Variants in GRM1 observed in about 807,000 individuals in gnomAD.
GRM1 encodes the protein glutamate metabotropic receptor 1, also known as metabotropic glutamate receptor 1.
Under a neutral mutation model 90.9 loss-of-function variants are expected in GRM1, and 33 were observed. That is an observed-to-expected ratio of 0.36 (90% CI 0.28 to 0.49). GRM1 has a LOEUF of 0.49. Among genes scored for constraint, GRM1 ranks in the 20% least tolerant of loss-of-function variants. The pLI is 0.99. For missense variants in GRM1, 1,190 were observed against 1,534.3 expected, an observed-to-expected ratio of 0.78 and a Z score of 3.75; for synonymous variants, 700 against 613.2, an observed-to-expected ratio of 1.14 and a Z score of -2.09.
intron 3 of GRM1, among the ~76,000 whole-genome samples, chr6:146,325,149 C>T (rs1324278737): frequency 1.3e-5 from 2 of 152,110 alleles, no homozygotes; most frequent in Admixed American, 1.3e-4. Flanking sequence ...GCATTACTGT[C>T]CTGAGTTTCA....
chr6:146,398,957 C>T lies in GRM1; in HGVS notation c.1918C>T (p.Leu640Phe), dbSNP rs1777063202. 1 of 1,614,110 alleles carries T rather than the reference C, an allele frequency of 6.2e-7. No individual in the cohort carries two copies. The highest frequency in any genetic ancestry group is 2.2e-5 in the East Asian group (1 of 44,876). The change falls in exon 7 of 8, where the codon CTT becomes TTT. Residue 640 changes from leucine (L) to phenylalanine (F), a missense_variant. Leu to Phe is a conservative substitution (Grantham distance 22). This residue lies in a region of GRM1 where 414 missense variants were observed against 598.4 expected (regional missense o/e 0.69). Transcript: ENST00000282753. ...CTACATCATCCTAGCTGGCATCTTC[C>T]TTGGTTATGTGTGCCCATTCACTCT... ...LCYIILAGIF[L>F]GYVCPFTLIA...
At chr6:146,105,198 T>G (rs1434598968) in intron 1 of GRM1, among the ~76,000 whole-genome samples, 1 of 152,190 alleles carries the variant, frequency 6.6e-6, no homozygotes, top group Non-Finnish European at 1.5e-5. Flanking sequence ...GTAGAATGTT[T>G]GATGGTAGAA....
chr6:146,155,253 T>C (rs1334435356), intron 1 of GRM1, among the ~76,000 whole-genome samples: 2 of 152,200 alleles, frequency 1.3e-5, no homozygotes, highest in African/African-American at 4.8e-5. Context: ...ACAATCATAA[T>C]AAGATTATAA....
rs114670930 is a variant in GRM1, at chr6:146,049,237, C to T, written c.700+19020C>T. On this transcript the variant is annotated intron_variant, in intron 1 of 7. Coordinates refer to ENST00000282753, the MANE Select transcript of GRM1 (RefSeq NM_001278064.2). The stretch of plus-strand genomic sequence containing the variant: ...GTCAGCTTGACTTGATTAAGGGACA[C>T]CCGGATAGCTGGTAAAGCATCATTT... Among the ~76,000 whole-genome samples, 764 of 151,974 alleles carry T rather than the reference C, an allele frequency of 5.0e-3. 4 individuals are homozygous for T. The highest frequency in any genetic ancestry group is 0.018 in the African/African-American group (743 of 41,482).
intron 5 of GRM1, among the ~76,000 whole-genome samples, chr6:146,369,899 G>T (rs1007810674): frequency 6.8e-6 from 1 of 146,682 alleles, no homozygotes; most frequent in African/African-American, 2.6e-5. Context: ...CTGAATGATT[G>T]GTCCATTGCT....
At chr6:146,337,706 TG>T (rs2115007992) in intron 3 of GRM1, among the ~76,000 whole-genome samples, 1 of 152,304 alleles carries the variant, frequency 6.6e-6, no homozygotes, top group East Asian at 1.9e-4. Flanking sequence ...ACTCAAATTT[TG>T]TGTTTATTTA....
At chr6:146,072,957 G>T (rs1024164360) in intron 1 of GRM1, among the ~76,000 whole-genome samples, 1 of 152,066 alleles carries the variant, frequency 6.6e-6, no homozygotes, top group Non-Finnish European at 1.5e-5. Context: ...CAGGGAAGAT[G>T]TGCACAGGGG....
At chr6:146,030,778 A>G (rs1790678309) in intron 1 of GRM1, among the ~76,000 whole-genome samples, 1 of 152,228 alleles carries the variant, frequency 6.6e-6, no homozygotes, top group African/African-American at 2.4e-5. Context: ...TCAGAAACTT[A>G]TATTTTTACT....
intron 2 of GRM1, among the ~76,000 whole-genome samples, chr6:146,242,412 G>A (rs540356375): frequency 6.6e-5 from 10 of 152,146 alleles, no homozygotes; most frequent in South Asian, 4.2e-4. Context: ...GAGGATTTTC[G>A]AGAACCAGAA....
intron 7 of GRM1, among the ~76,000 whole-genome samples, chr6:146,419,857 C>T (rs1359162615): frequency 6.6e-6 from 1 of 152,190 alleles, no homozygotes; most frequent in Admixed American, 6.5e-5. Context: ...GAGACCCCTT[C>T]TCTGACATGC....
chr6:146,266,006 T>C (rs1781872649), intron 2 of GRM1, among the ~76,000 whole-genome samples: 1 of 152,186 alleles, frequency 6.6e-6, no homozygotes, highest in East Asian at 1.9e-4. Flanking sequence ...TTGGCCAACA[T>C]GGTGAAACCC....
chr6:146,257,381 CT>C (rs763935889), intron 2 of GRM1, among the ~76,000 whole-genome samples: 1 of 151,926 alleles, frequency 6.6e-6, no homozygotes, highest in Non-Finnish European at 1.5e-5. Flanking sequence ...CATTAAGTCA[CT>C]AAGTATTTTA....
At chr6:146,028,216 G>C (rs1453399142), upstream of GRM1, among the ~76,000 whole-genome samples, 13 of 149,606 alleles carry the variant, frequency 8.7e-5, no homozygotes, top group Admixed American at 8.7e-4. Flanking sequence ...GGGCGGTGGG[G>C]ACTCGAGTGG....
At chr6:146,292,436 C>A (rs772498118) in intron 2 of GRM1, among the ~76,000 whole-genome samples, 1 of 151,712 alleles carries the variant, frequency 6.6e-6, no homozygotes, top group Admixed American at 6.6e-5. Flanking sequence ...TACAACTTAA[C>A]AAAATGCAAT....
chr6:146,367,402 G>T (rs1775733155), intron 5 of GRM1, among the ~76,000 whole-genome samples: 1 of 152,046 alleles, frequency 6.6e-6, no homozygotes, highest in South Asian at 2.1e-4. Flanking sequence ...GGTTCCATGA[G>T]AATTTTAGGA....
intron 3 of GRM1, among the ~76,000 whole-genome samples, chr6:146,325,025 A>G (rs980537095): frequency 2.0e-5 from 3 of 152,216 alleles, no homozygotes; most frequent in African/African-American, 7.2e-5. Flanking sequence ...GGTACTTTAT[A>G]TTAAGGCAGT....
intron 3 of GRM1, among the ~76,000 whole-genome samples, chr6:146,312,349 C>CA (rs1166008558): frequency 0.36 from 7,721 of 21,234 alleles, 2,541 homozygotes; most frequent in Middle Eastern, 0.5. Context: ...AACTCCGTCT[C>CA]AAAAAAAAAA....
chr6:146,304,695 A>G lies in GRM1; in HGVS notation c.1035A>G (p.Pro345=). Residue 345 remains proline (P), a synonymous_variant, in exon 3 of 8, where the codon CCA becomes CCG. Transcript: ENST00000282753. The part of the protein sequence containing the change: ...NGGITIKLQS[P]EVRSFDDYFL... ...GAATCACGATAAAGCTGCAGTCTCC[A>G]GAGGTCAGGTCATTTGATGATTATT... The G allele has an allele frequency of 1.9e-6, 3 of 1,613,968 alleles. No homozygotes were observed. The highest frequency in any genetic ancestry group is 1.1e-5 in the South Asian group (1 of 91,076).
At chr6:146,205,351 C>A (rs1407451652) in intron 2 of GRM1, among the ~76,000 whole-genome samples, 4 of 152,002 alleles carry the variant, frequency 2.6e-5, no homozygotes, top group Admixed American at 2.0e-4. Flanking sequence ...GGTGTTCTGG[C>A]TTTTTCTATT....
Sources: gnomAD v4.1 joint callset for allele counts (sites outside exome capture counted in the v4.1 genomes callset) on GRCh38, gnomAD v4.1.1 for gene constraint, gnomAD v4.1.1 regional missense constraint, MANE v1.5 for transcripts, NCBI Gene and HGNC (gene_info 2026-07-23, HGNC 2026-07-21) for gene names.